The following CFAP221 variants were observed in gnomAD, a reference collection of about 807,000 sequenced individuals.
CFAP221 encodes cilia and flagella associated protein 221.
In CFAP221, 97 loss-of-function variants were observed where a neutral mutation model predicts 113.1. The observed-to-expected ratio is 0.86, with a 90% CI of 0.73 to 1.02. The LOEUF (loss-of-function observed/expected upper bound fraction) is 1.02, where lower values mean the gene tolerates loss of function less well. CFAP221 is among the 50% of genes least tolerant of loss of function. CFAP221 has a pLI of 0.00. For missense variants in CFAP221, 1,025 were observed against 1,013.4 expected (o/e 1.01, Z -0.16); for synonymous variants, 331 against 354.4 (o/e 0.93, Z 0.74).
intron 7 of CFAP221, chr2:119,590,206 C>A (rs928315126): frequency 6.6e-6 from 1 of 152,066 alleles, no homozygotes; most frequent in East Asian, 1.9e-4. Flanking sequence ...TCAATAAGTT[C>A]ATTCTCTTTT....
chr2:119,608,481 G>GTTTTT (rs5833792), intron 11 of CFAP221, 21 bp from the exon 12 acceptor site: 13 of 1,204,604 alleles, frequency 1.1e-5, no homozygotes, highest in Admixed American at 4.5e-5. Context: ...TCTGGACACA[G>GTTTTT]TTTTTTTTTT....
intron 13 of CFAP221, among the ~76,000 whole-genome samples, chr2:119,613,123 T>C (rs926717030): frequency 1.3e-5 from 2 of 152,252 alleles, no homozygotes; most frequent in East Asian, 3.9e-4. Flanking sequence ...ATCCACGTCA[T>C]GCTGATGCAA....
Position 119,646,946 on chromosome 2 carries a change from G to A in CFAP221, c.2226-12G>A, listed in dbSNP as rs768323457. On this transcript the variant is annotated splice_polypyrimidine_tract_variant and intron_variant, in intron 21 of 23. Transcript: ENST00000413369. ...GACTCTATCTTTGACTGCTTGTGTG[G>A]TTTTTCCACAGCTGCGATTCCTTCA... 2.8e-5 allele frequency: 45 copies of A among 1,609,896 alleles called. No homozygotes were observed. In the Admixed American group the frequency reaches 7.4e-4, roughly 26 times the overall value.
intron 5 of CFAP221, among the ~76,000 whole-genome samples, chr2:119,560,982 T>C (rs972743692): frequency 3.9e-5 from 6 of 152,084 alleles, no homozygotes; most frequent in African/African-American, 1.4e-4. Flanking sequence ...TATTATTTTT[T>C]TGGAGTTTCA....
intron 6 of CFAP221, among the ~76,000 whole-genome samples, chr2:119,581,467 A>T (rs748171480): frequency 6.6e-6 from 1 of 152,344 alleles, no homozygotes. Flanking sequence ...TATACTGGAC[A>T]CAATTGAAGA....
At chr2:119,628,946 A>G (rs1686566271) in intron 16 of CFAP221, among the ~76,000 whole-genome samples, 1 of 152,164 alleles carries the variant, frequency 6.6e-6, no homozygotes, top group Non-Finnish European at 1.5e-5. Context: ...TTTGAAGCTG[A>G]TATGTTTCAT....
intron 3 of CFAP221, among the ~76,000 whole-genome samples, chr2:119,554,937 G>C (rs1680682090): frequency 6.6e-6 from 1 of 152,182 alleles, no homozygotes; most frequent in South Asian, 2.1e-4. Context: ...TGAAGGTTGT[G>C]TTTGAAGGGT....
At chr2:119,579,344 A>G (rs1682689264) in intron 6 of CFAP221, among the ~76,000 whole-genome samples, 1 of 152,074 alleles carries the variant, frequency 6.6e-6, no homozygotes, top group Admixed American at 6.6e-5. Context: ...ATCAGATTTA[A>G]TGGTATTTAA....
At chr2:119,558,719 A>G (rs1681003843) in intron 3 of CFAP221, among the ~76,000 whole-genome samples, 1 of 152,076 alleles carries the variant, frequency 6.6e-6, no homozygotes. Flanking sequence ...GCTACTCAGG[A>G]GCAAATGCAG....
At chr2:119,566,357 G>A (rs548623735) in intron 6 of CFAP221, among the ~76,000 whole-genome samples, 14 of 152,008 alleles carry the variant, frequency 9.2e-5, no homozygotes, top group Non-Finnish European at 2.1e-4. Context: ...CTCCTGCAAG[G>A]GTGGACTTGC....
chr2:119,600,142 A>T (rs1684266399), intron 7 of CFAP221, among the ~76,000 whole-genome samples: 1 of 152,188 alleles, frequency 6.6e-6, no homozygotes, highest in African/African-American at 2.4e-5. Context: ...TTTACATTCT[A>T]GTTGGGGACA....
chr2:119,564,193 A>G (rs1359310883), intron 6 of CFAP221, among the ~76,000 whole-genome samples: 2 of 152,176 alleles, frequency 1.3e-5, no homozygotes, highest in Non-Finnish European at 2.9e-5. Context: ...TGGACCGTGC[A>G]TATGAGCTTT....
chr2:119,599,859 AAC>A lies in CFAP221; in HGVS notation c.632-1357_632-1356del, dbSNP rs199900464. ...TTATTGCTCTAACTTTAGTGCCTAA[AAC>A]AGTGCCTGGCACACTTATTAAGTGC... On this transcript the variant is annotated intron_variant, in intron 7 of 23. Transcript: ENST00000413369. 2.2e-4 allele frequency among the ~76,000 whole-genome samples: 34 copies of A among 152,278 alleles called. No individual in the cohort carries two copies. In the East Asian group the frequency reaches 6.4e-3, roughly 29 times the overall value.
intron 6 of CFAP221, among the ~76,000 whole-genome samples, chr2:119,585,090 T>C (rs1433927890): frequency 6.6e-6 from 1 of 152,196 alleles, no homozygotes; most frequent in Admixed American, 6.5e-5. Context: ...TATAACAGAA[T>C]ACTCTTCACT....
chr2:119,645,702 A>G (rs563764312), intron 21 of CFAP221, among the ~76,000 whole-genome samples: 1 of 152,294 alleles, frequency 6.6e-6, no homozygotes, highest in Non-Finnish European at 1.5e-5. Flanking sequence ...GGAGCCATCA[A>G]TTAATCCCTG....
rs892561629 is a variant in CFAP221 at position 119,559,551 on chromosome 2, T to A, written c.241-138T>A. ...TTATTATTTTTTAAATGGTGTATGA[T>A]GTATTTCAAATATTTTGAAAAGTTA... On this transcript the variant is annotated intron_variant, in intron 3 of 23. Transcript: ENST00000413369. 64 of 684,970 alleles carry A rather than the reference T, an allele frequency of 9.3e-5. 2 individuals are homozygous for A. In the South Asian group the frequency reaches 1.2e-3, roughly 12 times the overall value. 42.4% of individuals were successfully genotyped at this position (684,970 alleles called of 1,614,324 possible). A position where few individuals can be genotyped will look rare whatever the true frequency, so the allele number is the denominator to read the frequency against.
chr2:119,622,500 C>T (rs1283953078), intron 14 of CFAP221, among the ~76,000 whole-genome samples: 1 of 152,140 alleles, frequency 6.6e-6, no homozygotes, highest in Non-Finnish European at 1.5e-5. Flanking sequence ...AAGAGGGACT[C>T]CTCCCTAACT....
intron 6 of CFAP221, among the ~76,000 whole-genome samples, chr2:119,577,404 T>A (rs567309866): frequency 6.6e-6 from 1 of 152,236 alleles, no homozygotes; most frequent in South Asian, 2.1e-4. Context: ...AGAAATGCCC[T>A]CTAAAAAGCT....
In CFAP221 at chr2:119,638,270, A is replaced by C. The variant is rs754410586; in HGVS notation, c.1986A>C (p.Pro662=). 6.2e-6 allele frequency: 10 copies of C among 1,614,110 alleles called. No homozygotes were observed. The highest frequency in any genetic ancestry group is 8.5e-6 in the Non-Finnish European group (10 of 1,179,986). The change falls in exon 20 of 24, where the codon CCA becomes CCC. Residue 662 remains proline (P), a synonymous_variant. Coordinates refer to ENST00000413369, the MANE Select transcript of CFAP221 (RefSeq NM_001271049.2). The stretch of plus-strand genomic sequence containing the variant: ...CCTGTCTTCGGCAGAATCCCAACCC[A>C]GGATTATTTGCTGTAATGCATCCTC... ...YDPLYVFNPN[P]GLFAVMHPLT...
Sources: gnomAD v4.1 joint callset for allele counts (sites outside exome capture counted in the v4.1 genomes callset) on GRCh38, gnomAD v4.1.1 for gene constraint, MANE v1.5 for transcripts, NCBI Gene and HGNC (gene_info 2026-07-23, HGNC 2026-07-21) for gene names.